The following SMARCC1 variants were observed in gnomAD, a reference collection of about 807,000 sequenced individuals.
SMARCC1 encodes SWI/SNF related BAF chromatin remodeling complex subunit C1, also known as SWI/SNF complex subunit SMARCC1.
Under a neutral mutation model 147.4 loss-of-function variants are expected in SMARCC1, and 43 were observed. That is an observed-to-expected ratio of 0.29 (90% CI 0.23 to 0.38). The LOEUF is 0.38. Ranked by LOEUF, SMARCC1 falls within the 10% of genes least tolerant of loss-of-function variation. The probability of loss-of-function intolerance (pLI) is 1.00; values close to 1 mark genes in which losing one functional copy is unlikely to be tolerated. For synonymous variants in SMARCC1, 495 were observed against 484.4 expected, an observed-to-expected ratio of 1.02 and a Z score of -0.29; for missense variants, 1,119 against 1,381.1, an observed-to-expected ratio of 0.81 and a Z score of 3.01.
intron 21 of SMARCC1, among the ~76,000 whole-genome samples, chr3:47,653,815 A>G (rs1414740279): frequency 2.0e-5 from 3 of 152,184 alleles, no homozygotes; most frequent in Non-Finnish European, 4.4e-5. Flanking sequence ...TGAGTACAGA[A>G]CACACTTGAA....
rs1291457439 is a variant in SMARCC1, at chr3:47,706,894, C to G, written c.919-364G>C. On this transcript the variant is annotated intron_variant, in intron 9 of 27. Coordinates refer to ENST00000254480, the MANE Select transcript of SMARCC1 (RefSeq NM_003074.4). ...TACACTCTACTAAACTGACAAAATACAAAGACAGGCCAAACGATCCTGTGA... is the reference window on the plus strand; with the variant it reads ...TACACTCTACTAAACTGACAAAATAGAAAGACAGGCCAAACGATCCTGTGA... Among the ~76,000 whole-genome samples, 3 of 152,068 alleles carry G rather than the reference C, an allele frequency of 2.0e-5. No individual in the cohort carries two copies. In the East Asian group the frequency reaches 5.8e-4, roughly 29 times the overall value.
chr3:47,725,035 A>AC (rs1257201229), intron 6 of SMARCC1, among the ~76,000 whole-genome samples: 1 of 149,080 alleles, frequency 6.7e-6, no homozygotes, highest in African/African-American at 2.5e-5. Flanking sequence ...GTCTCCACAA[A>AC]AAAAAAAAAA....
intron 14 of SMARCC1, among the ~76,000 whole-genome samples, chr3:47,681,976 C>T (rs763748798): frequency 1.3e-5 from 2 of 151,970 alleles, no homozygotes; most frequent in African/African-American, 2.4e-5. Flanking sequence ...CAAATGAAAA[C>T]GTTTCTGTAA....
rs71070224 is a variant in SMARCC1 at position 47,749,736 on chromosome 3, C to CAGAGAGAG, written c.316-3751_316-3744dup. Among the ~76,000 whole-genome samples the CAGAGAGAG allele has an allele frequency of 6.0e-3, 668 of 110,856 alleles. 14 individuals carry two copies. Among genetic ancestry groups the CAGAGAGAG allele is most frequent in the South Asian group, 0.037 (107 of 2,858 alleles). 72.7% of individuals were successfully genotyped at this position (110,856 alleles called of 152,430 possible). A position where few individuals can be genotyped will look rare whatever the true frequency, so the allele number is the denominator to read the frequency against. On this transcript the variant is annotated intron_variant, in intron 2 of 27. Transcript: ENST00000254480. ...AAACACACACACACAGAGAAAGAGA[C>CAGAGAGAG]AGAGAGAGAGAGAGAGAGAGAGAGA...
chr3:47,768,883 T>C (rs1239776215), intron 2 of SMARCC1, among the ~76,000 whole-genome samples: 4 of 152,148 alleles, frequency 2.6e-5, no homozygotes, highest in Admixed American at 1.3e-4. Context: ...AAGCTTTTAC[T>C]TTTAAGTATG....
At chr3:47,693,132 G>A in intron 12 of SMARCC1, 109 bp downstream of exon 12, 1 of 735,710 alleles carries the variant, frequency 1.4e-6, no homozygotes, top group Non-Finnish European at 2.4e-6. Flanking sequence ...TTACACCACT[G>A]CACTCCAGCC....
At chr3:47,719,107 G>C (rs1400327115) in intron 7 of SMARCC1, among the ~76,000 whole-genome samples, 1 of 151,726 alleles carries the variant, frequency 6.6e-6, no homozygotes, top group Non-Finnish European at 1.5e-5. Context: ...TAGAGACGGG[G>C]GTTTCACCGT....
intron 7 of SMARCC1, among the ~76,000 whole-genome samples, chr3:47,715,129 T>C (rs572993093): frequency 3.3e-5 from 5 of 152,162 alleles, no homozygotes; most frequent in Admixed American, 6.5e-5. Context: ...CTGGGTTCAG[T>C]TTTTGGAAAA....
intron 26 of SMARCC1, among the ~76,000 whole-genome samples, chr3:47,607,145 C>T (rs2032488785): frequency 6.6e-6 from 1 of 152,138 alleles, no homozygotes; most frequent in African/African-American, 2.4e-5. Flanking sequence ...TTAAGATCCA[C>T]TCAAGTAGAC....
intron 21 of SMARCC1, among the ~76,000 whole-genome samples, chr3:47,656,993 A>T (rs2033270905): frequency 6.6e-6 from 1 of 152,236 alleles, no homozygotes; most frequent in South Asian, 2.1e-4. Context: ...ATCAGGTAAG[A>T]TAGACTTTAA....
At chr3:47,643,220 G>C (rs2033071842) in intron 21 of SMARCC1, among the ~76,000 whole-genome samples, 1 of 152,162 alleles carries the variant, frequency 6.6e-6, no homozygotes. Flanking sequence ...AAATGATATA[G>C]ACAGCAAGCT....
intron 18 of SMARCC1, among the ~76,000 whole-genome samples, chr3:47,671,907 C>T (rs2106750182): frequency 6.6e-6 from 1 of 152,158 alleles, no homozygotes; most frequent in South Asian, 2.1e-4. Context: ...ATTAGTGCTA[C>T]ACACTGCATG....
chr3:47,749,902 G>A (rs1220610258), intron 2 of SMARCC1, among the ~76,000 whole-genome samples: 2 of 151,608 alleles, frequency 1.3e-5, no homozygotes, highest in African/African-American at 4.8e-5. Context: ...CTAACATGGT[G>A]AAACCCCGTC....
At chr3:47,664,084 A>T in intron 19 of SMARCC1, 1 of 476,196 alleles carries the variant, frequency 2.1e-6, no homozygotes, top group Non-Finnish European at 3.6e-6. Context: ...ACTGTAACTG[A>T]AAGTTTTTTC....
intron 4 of SMARCC1, 102 bp from the exon 5 acceptor site, chr3:47,736,228 C>T: frequency 1.6e-6 from 1 of 625,718 alleles, no homozygotes; most frequent in Non-Finnish European, 2.8e-6. Flanking sequence ...TTTTCTGCCA[C>T]AAAAAATATT....
At chr3:47,769,212 A>C (rs1206111241) in intron 2 of SMARCC1, among the ~76,000 whole-genome samples, 7 of 141,894 alleles carry the variant, frequency 4.9e-5, no homozygotes, top group Admixed American at 7.0e-5. Flanking sequence ...CTCCGTCTCA[A>C]AAAAAAAAAA....
chr3:47,589,393 A>G (rs925591157), intron 27 of SMARCC1, among the ~76,000 whole-genome samples: 5 of 152,192 alleles, frequency 3.3e-5, no homozygotes, highest in African/African-American at 4.8e-5. Flanking sequence ...CCAGCAGGAC[A>G]TGACAGTGGT....
intron 5 of SMARCC1, among the ~76,000 whole-genome samples, chr3:47,731,802 G>A (rs1014458105): frequency 2.0e-5 from 3 of 152,142 alleles, no homozygotes; most frequent in Non-Finnish European, 4.4e-5. Flanking sequence ...GTAAATAGAT[G>A]TGCTGTCATC....
At chr3:47,770,923 T>A (rs2034905832) in intron 2 of SMARCC1, among the ~76,000 whole-genome samples, 1 of 152,122 alleles carries the variant, frequency 6.6e-6, no homozygotes, top group African/African-American at 2.4e-5. Flanking sequence ...TATTTATTTA[T>A]TTTTTTGAGA....
Sources: gnomAD v4.1 joint callset for allele counts (sites outside exome capture counted in the v4.1 genomes callset) on GRCh38, gnomAD v4.1.1 for gene constraint, MANE v1.5 for transcripts, NCBI Gene and HGNC (gene_info 2026-07-23, HGNC 2026-07-21) for gene names.